TMTC2: variants seen among roughly 807,000 people sequenced by gnomAD.
TMTC2 encodes transmembrane O-mannosyltransferase targeting cadherins 2, also known as protein O-mannosyl-transferase TMTC2.
In TMTC2, 43 loss-of-function variants were observed where a neutral mutation model predicts 82.4. The ratio of observed to expected loss-of-function variants is 0.52; its 90% CI spans 0.41 to 0.67. TMTC2 has a LOEUF of 0.67. TMTC2 is among the 30% of genes least tolerant of loss of function. The pLI is 0.00. For synonymous variants in TMTC2, 408 were observed against 381.9 expected (o/e 1.07, Z -0.80); for missense variants, 919 against 1,012.4 (o/e 0.91, Z 1.25).
At chr12:82,891,287 T>A (rs1873380570) in intron 2 of TMTC2, among the ~76,000 whole-genome samples, 1 of 152,150 alleles carries the variant, frequency 6.6e-6, no homozygotes, top group Admixed American at 6.6e-5. Context: ...AGAGATTTGT[T>A]TTTTTATCAG....
At chr12:82,938,692 G>C (rs541477845) in intron 4 of TMTC2, among the ~76,000 whole-genome samples, 2 of 152,174 alleles carry the variant, frequency 1.3e-5, no homozygotes, top group Admixed American at 1.3e-4. Context: ...GCAGGTACCT[G>C]TGTTTTCATG....
intron 1 of TMTC2, among the ~76,000 whole-genome samples, chr12:82,812,019 T>C (rs1037237238): frequency 5.9e-5 from 9 of 152,014 alleles, no homozygotes; most frequent in African/African-American, 2.2e-4. Context: ...GGTTTCGCCA[T>C]GTTGGCCAGG....
chr12:83,012,839 C>T (rs1245575629), intron 8 of TMTC2, among the ~76,000 whole-genome samples: 1 of 151,958 alleles, frequency 6.6e-6, no homozygotes, highest in Non-Finnish European at 1.5e-5. Context: ...TACAGATAAT[C>T]CTCTGTTGTT....
intron 1 of TMTC2, among the ~76,000 whole-genome samples, chr12:82,833,033 T>C (rs1458711492): frequency 6.6e-6 from 1 of 152,212 alleles, no homozygotes; most frequent in East Asian, 1.9e-4. Flanking sequence ...ATCAGTCTAA[T>C]TGTAGTTAGG....
At chr12:82,788,832 C>G (rs1878314531) in intron 1 of TMTC2, among the ~76,000 whole-genome samples, 1 of 152,102 alleles carries the variant, frequency 6.6e-6, no homozygotes, top group Admixed American at 6.6e-5. Context: ...GCTTTTCTCT[C>G]TCTTCACTTT....
At chr12:82,722,566 CAAAAAAAAAAAA>C (rs772607761) in intron 1 of TMTC2, among the ~76,000 whole-genome samples, 1 of 44,396 alleles carries the variant, frequency 2.3e-5, no homozygotes, top group Non-Finnish European at 3.7e-5. Flanking sequence ...GACTCCATCT[CAAAAAAAAAAAA>C]AAAAAAAAAA....
At position 83,095,486 on chromosome 12, in the gene TMTC2, C is replaced by T. The variant is rs868830531; in HGVS notation, c.2331+33655C>T. Among the ~76,000 whole-genome samples, 12 of 152,064 alleles carry T rather than the reference C, an allele frequency of 7.9e-5. No individual in the cohort carries two copies. In the South Asian group the frequency reaches 1.7e-3, roughly 21 times the overall value. On this transcript the variant is annotated intron_variant, in intron 11 of 11. Transcript: ENST00000321196. ...TGGTCTCCTGACCTCATGATCCACCCGCCTCGGCCTCCCAAAGTGCTGGGA... is the reference window on the plus strand; with the variant it reads ...TGGTCTCCTGACCTCATGATCCACCTGCCTCGGCCTCCCAAAGTGCTGGGA...
intron 1 of TMTC2, among the ~76,000 whole-genome samples, chr12:82,779,923 A>G (rs1194019769): frequency 1.3e-5 from 2 of 151,848 alleles, no homozygotes; most frequent in Non-Finnish European, 2.9e-5. Flanking sequence ...CATAGTTCTC[A>G]TGATGTTACA....
chr12:83,029,884 AT>A, intron 8 of TMTC2, among the ~76,000 whole-genome samples: 1 of 152,240 alleles, frequency 6.6e-6, no homozygotes, highest in East Asian at 1.9e-4. Context: ...TTTTTTGCTT[AT>A]TTTCCTTGTG....
intron 9 of TMTC2, among the ~76,000 whole-genome samples, chr12:83,032,285 A>G (rs7304985): frequency 0.013 from 1,101 of 85,620 alleles, 14 homozygotes; most frequent in African/African-American, 0.032. Flanking sequence ...ATATATATAT[A>G]TATATATATA....
At chr12:82,791,100 C>G (rs993509549) in intron 1 of TMTC2, among the ~76,000 whole-genome samples, 15 of 151,986 alleles carry the variant, frequency 9.9e-5, no homozygotes, top group African/African-American at 3.6e-4. Flanking sequence ...TTATCTTTGA[C>G]ATAGCTTATT....
intron 9 of TMTC2, among the ~76,000 whole-genome samples, chr12:83,045,704 C>CT: frequency 7.8e-6 from 1 of 128,718 alleles, no homozygotes; most frequent in East Asian, 2.2e-4. Context: ...GGAAAGGGCT[C>CT]CTTCACACAC....
chr12:83,065,437 A>C (rs776149186), intron 11 of TMTC2, among the ~76,000 whole-genome samples: 2 of 151,890 alleles, frequency 1.3e-5, no homozygotes, highest in African/African-American at 2.4e-5. Flanking sequence ...AGAGATGTTT[A>C]ATACCTTGTT....
chr12:83,115,132 T>G (rs1240083185), intron 11 of TMTC2, among the ~76,000 whole-genome samples: 4 of 152,166 alleles, frequency 2.6e-5, no homozygotes, highest in Non-Finnish European at 4.4e-5. Context: ...TTTAAACTCA[T>G]GCCTCACACG....
chr12:82,846,633 C>G (rs1022281597), intron 1 of TMTC2, among the ~76,000 whole-genome samples: 1 of 151,992 alleles, frequency 6.6e-6, no homozygotes, highest in African/African-American at 2.4e-5. Context: ...GGGATGGAAG[C>G]GGGATCCACT....
At chr12:83,004,830 C>T (rs1795735404) in intron 8 of TMTC2, among the ~76,000 whole-genome samples, 1 of 128,888 alleles carries the variant, frequency 7.8e-6, no homozygotes, top group South Asian at 2.6e-4. Flanking sequence ...AGAGTCATGG[C>T]TGGCAGGCGC....
At chr12:82,869,327 G>A (rs1872044845) in intron 2 of TMTC2, among the ~76,000 whole-genome samples, 1 of 152,106 alleles carries the variant, frequency 6.6e-6, no homozygotes, top group Non-Finnish European at 1.5e-5. Flanking sequence ...GACTTGAGGG[G>A]AGAATTTCTG....
At chr12:83,024,406 C>G (rs112155080) in intron 8 of TMTC2, among the ~76,000 whole-genome samples, 3 of 152,290 alleles carry the variant, frequency 2.0e-5, no homozygotes, top group African/African-American at 7.2e-5. Context: ...GTTTTATCAG[C>G]TGCTTCCCTT....
At chr12:83,002,951 T>C (rs922138487) in intron 8 of TMTC2, among the ~76,000 whole-genome samples, 3 of 152,044 alleles carry the variant, frequency 2.0e-5, no homozygotes, top group African/African-American at 7.2e-5. Context: ...AGGCCTAGGT[T>C]TTTTTGTTTT....
Sources: gnomAD v4.1 joint callset for allele counts (sites outside exome capture counted in the v4.1 genomes callset) on GRCh38, gnomAD v4.1.1 for gene constraint, MANE v1.5 for transcripts, NCBI Gene and HGNC (gene_info 2026-07-23, HGNC 2026-07-21) for gene names.